Variants in CDKL5 observed in about 807,000 individuals in gnomAD.
CDKL5 encodes the protein cyclin-dependent kinase-like 5.
Under a neutral mutation model 61.7 loss-of-function variants are expected in CDKL5, and 8 were observed. The ratio of observed to expected loss-of-function variants is 0.13; its 90% CI spans 0.08 to 0.23. CDKL5 has a LOEUF of 0.23. Among genes scored for constraint, CDKL5 ranks in the 10% least tolerant of loss-of-function variants. The probability of loss-of-function intolerance (pLI) is 1.00; values close to 1 mark genes in which losing one functional copy is unlikely to be tolerated. For missense variants in CDKL5, 440 were observed against 734.5 expected, an observed-to-expected ratio of 0.60 and a Z score of 4.63; for synonymous variants, 275 against 272.3, an observed-to-expected ratio of 1.01 and a Z score of -0.10.
chrX:18,501,461 A>G (rs1262392386), intron 1 of CDKL5, among the ~76,000 whole-genome samples: 2 of 111,664 alleles, frequency 1.8e-5, no homozygotes, highest in Non-Finnish European at 3.8e-5. Flanking sequence ...GGCATGAGCC[A>G]TCTCACCTGG....
chrX:18,534,510 A>G (rs1477138288), intron 3 of CDKL5, among the ~76,000 whole-genome samples: 1 of 111,668 alleles, frequency 9.0e-6, no homozygotes, highest in Non-Finnish European at 1.9e-5. Flanking sequence ...CCCCCGGTTG[A>G]TTGTGAGTTC....
chrX:18,564,258 T>G (rs774476692), intron 3 of CDKL5, among the ~76,000 whole-genome samples: 1 of 111,104 alleles, frequency 9.0e-6, no homozygotes, highest in African/African-American at 3.3e-5. Flanking sequence ...CTCCACACCC[T>G]CTCCCTTTCT....
At chrX:18,482,900 A>G (rs1484325115) in intron 1 of CDKL5, among the ~76,000 whole-genome samples, 1 of 112,157 alleles carries the variant, frequency 8.9e-6, no homozygotes, top group Non-Finnish European at 1.9e-5. Context: ...TGCAGATAAT[A>G]TAATTGTCAT....
chrX:18,552,109 G>A lies in CDKL5; in HGVS notation c.100-12368G>A, dbSNP rs1448839811. Among the ~76,000 whole-genome samples, 3 of 109,425 alleles carry A rather than the reference G, an allele frequency of 2.7e-5. No individual in the cohort carries two copies. In the East Asian group the frequency reaches 8.7e-4, roughly 32 times the overall value. On this transcript the variant is annotated intron_variant, in intron 3 of 17. Coordinates refer to ENST00000623535, the MANE Select transcript of CDKL5 (RefSeq NM_001323289.2). ...AAAAATTAGCCGGGCATGGTGGCGT[G>A]TGCCTGTAATCTCAGCTACTCAGGA...
In CDKL5 at chrX:18,638,776, G is replaced by A. The variant is rs781317473; in HGVS notation, c.*10019G>A. Among the ~76,000 whole-genome samples the A allele has an allele frequency of 8.9e-6, 1 of 111,993 alleles. No homozygotes were observed. The highest frequency in any genetic ancestry group is 2.8e-4 in the East Asian group (1 of 3,587). On this transcript the variant is annotated 3_prime_UTR_variant, in exon 18 of 18. Coordinates refer to ENST00000623535, the MANE Select transcript of CDKL5 (RefSeq NM_001323289.2). The stretch of plus-strand genomic sequence containing the variant: ...AACCCAGAATAGCCAAAACAATCCC[G>A]AAGAGCAAAGTTGGAGGACTCACAT...
chrX:18,432,994 G>A (rs1173156489), intron 1 of CDKL5, among the ~76,000 whole-genome samples: 7 of 111,043 alleles, frequency 6.3e-5, no homozygotes, highest in African/African-American at 2.0e-4. Flanking sequence ...TTGGCAGGCC[G>A]AGGCGGGCGG....
intron 3 of CDKL5, among the ~76,000 whole-genome samples, chrX:18,531,767 C>T (rs1023990987): frequency 1.9e-5 from 2 of 106,526 alleles, no homozygotes; most frequent in Middle Eastern, 4.7e-3. Context: ...ACTGCAGTGG[C>T]GCAATCTCGG....
intron 3 of CDKL5, among the ~76,000 whole-genome samples, chrX:18,560,387 A>AG (rs1182852505): frequency 1.8e-5 from 2 of 112,454 alleles, no homozygotes; most frequent in Non-Finnish European, 3.8e-5. Flanking sequence ...AAAGAAAGCC[A>AG]GGAAGATATG....
chrX:18,628,376 G>T lies in CDKL5; in HGVS notation c.2502G>T (p.Gln834His), dbSNP rs1334119558. The T allele has an allele frequency of 1.7e-6, 2 of 1,209,246 alleles. No homozygotes were observed. The highest frequency in any genetic ancestry group is 3.5e-5 in the African/African-American group (2 of 57,208). Residue 834 changes from glutamine to histidine, a missense_variant, in exon 18 of 18, where the codon CAG (glutamine) becomes CAT (histidine). Coordinates refer to ENST00000623535, the MANE Select transcript of CDKL5 (RefSeq NM_001323289.2). ...EKISDLQTQS[Q>H]PLKSLRKLLH... ...ATTCTCATCCTTTCTTTCAGAGCCA[G>T]CCATTAAAATCACTGCGCAAGTTGT...
chrX:18,594,423 T>G (rs1247311776), intron 9 of CDKL5, among the ~76,000 whole-genome samples: 3 of 112,303 alleles, frequency 2.7e-5, no homozygotes, highest in Non-Finnish European at 5.6e-5. Flanking sequence ...TTGTCTTCGG[T>G]TCCAACTTTA....
At position 18,634,549 on chromosome X, in the gene CDKL5, T is replaced by A; in HGVS notation, c.*5792T>A. On this transcript the variant is annotated 3_prime_UTR_variant, in exon 18 of 18. Transcript: ENST00000623535. ...TGTAAGTAAGTTCTCCAGCACGGCT[T>A]AGGTTTTCCAAAATGGAAAGCAAAG... is the stretch of plus-strand genomic sequence containing the variant. 1 of 754,447 alleles carries A rather than the reference T, an allele frequency of 1.3e-6. No homozygotes were observed. Among genetic ancestry groups the A allele is most frequent in the Non-Finnish European group, 1.6e-6 (1 of 639,402 alleles). The allele number at this position is 754,447 out of a possible 1,213,427, so 62.2% of individuals were successfully genotyped here. A position where few individuals can be genotyped will look rare whatever the true frequency, so the allele number is the denominator to read the frequency against.
Position 18,425,612 on chromosome X carries a change from G to GTC in CDKL5, c.-242_-241dup. The GTC allele has an allele frequency of 8.9e-6, 1 of 112,659 alleles. No individual in the cohort carries two copies. Among genetic ancestry groups the GTC allele is most frequent in the Non-Finnish European group, 1.9e-5 (1 of 53,202 alleles). 9.3% of individuals were successfully genotyped at this position (112,659 alleles called of 1,213,427 possible). A position where few individuals can be genotyped will look rare whatever the true frequency, so the allele number is the denominator to read the frequency against. ...GCGGGGCCGGAGGTTTCGATTAGTT[G>GTC]TCTCTGCCGCTGGGGAAGGTAAAGC... On this transcript the variant is annotated 5_prime_UTR_variant, in exon 1 of 18. Coordinates refer to ENST00000623535, the MANE Select transcript of CDKL5 (RefSeq NM_001323289.2).
rs928656901 is a variant in CDKL5, at chrX:18,486,748, C to G, written c.-162-20187C>G. Among the ~76,000 whole-genome samples, 3 of 111,685 alleles carry G rather than the reference C, an allele frequency of 2.7e-5. No individual in the cohort carries two copies. The Admixed American group carries it at 2.9e-4, about 11-fold the overall frequency. ...TATGACATGATTGGTTCCCTTCAAT[C>G]AAGGCACCTTGTTGAAACTCTTTTG... On this transcript the variant is annotated intron_variant, in intron 1 of 17. Transcript: ENST00000623535.
At position 18,594,686 on chromosome X, in the gene CDKL5, A is replaced by G. The variant is rs143745997; in HGVS notation, c.745-662A>G. Among the ~76,000 whole-genome samples, 26 of 112,858 alleles carry G rather than the reference A, an allele frequency of 2.3e-4. No individual in the cohort carries two copies. In the East Asian group the frequency reaches 7.2e-3, roughly 31 times the overall value. On this transcript the variant is annotated intron_variant, in intron 9 of 17. Coordinates refer to ENST00000623535, the MANE Select transcript of CDKL5 (RefSeq NM_001323289.2). ...CTATCAGTAATTAAGAATCATGTGT[A>G]TAAGCAGACAAATTATGTATACACT...
At chrX:18,512,099 A>T (rs777726219) in intron 3 of CDKL5, among the ~76,000 whole-genome samples, 1 of 112,142 alleles carries the variant, frequency 8.9e-6, no homozygotes, top group Non-Finnish European at 1.9e-5. Context: ...CATAGCTGTT[A>T]TTCAGTTGTA....
At chrX:18,460,565 C>A (rs1011100733) in intron 1 of CDKL5, among the ~76,000 whole-genome samples, 1 of 111,134 alleles carries the variant, frequency 9.0e-6, no homozygotes, top group Non-Finnish European at 1.9e-5. Flanking sequence ...GGGGTGTGAT[C>A]TCAGCTCACT....
intron 3 of CDKL5, among the ~76,000 whole-genome samples, chrX:18,558,511 T>A (rs2068496045): frequency 8.9e-6 from 1 of 111,823 alleles, no homozygotes; most frequent in South Asian, 3.7e-4. Context: ...ACGAAGATGT[T>A]AAATACCCAT....
chrX:18,480,281 T>C (rs1921498972), intron 1 of CDKL5, among the ~76,000 whole-genome samples: 1 of 111,692 alleles, frequency 9.0e-6, no homozygotes, highest in African/African-American at 3.3e-5. Flanking sequence ...TATCCCTCAG[T>C]TGGGATTTGT....
intron 1 of CDKL5, among the ~76,000 whole-genome samples, chrX:18,475,515 T>C (rs1417391071): frequency 1.8e-5 from 2 of 111,489 alleles, no homozygotes; most frequent in African/African-American, 6.5e-5. Context: ...CAGGCTGGCC[T>C]CAAACTCCTG....
Sources: allele counts gnomAD v4.1 joint callset (sites outside exome capture counted in the v4.1 genomes callset), GRCh38; gene constraint gnomAD v4.1.1; transcripts MANE v1.5; gene names NCBI Gene and HGNC (gene_info 2026-07-23, HGNC 2026-07-21).